MIPOL1: variants seen among roughly 807,000 people sequenced by gnomAD.
MIPOL1 encodes mirror-image polydactyly gene 1 protein.
In MIPOL1, 57 loss-of-function variants were observed where a neutral mutation model predicts 60.9. The observed-to-expected ratio is 0.94, with a 90% CI of 0.76 to 1.17. The LOEUF (loss-of-function observed/expected upper bound fraction) is 1.17. Among genes scored for constraint, MIPOL1 ranks in the 50% most tolerant of loss-of-function variants. The pLI, the probability that MIPOL1 is intolerant of heterozygous loss-of-function variation, is 0.00. For missense variants in MIPOL1, 551 were observed against 511.6 expected, an observed-to-expected ratio of 1.08 and a Z score of -0.74; for synonymous variants, 179 against 168.8, an observed-to-expected ratio of 1.06 and a Z score of -0.47.
chr14:37,268,847 C>G (rs2083076970), intron 5 of MIPOL1, 54 bp downstream of exon 5: 2 of 1,323,414 alleles, frequency 1.5e-6, no homozygotes, highest in African/African-American at 1.5e-5. Context: ...TGTTGATCTT[C>G]TAAATTTCCT....
chr14:37,334,809 C>T (rs1421349763), intron 9 of MIPOL1, among the ~76,000 whole-genome samples: 2 of 151,800 alleles, frequency 1.3e-5, no homozygotes, highest in African/African-American at 2.4e-5. Context: ...ATAATTTTTT[C>T]AACATTTATC....
At chr14:37,248,558 T>C (rs748230410) in intron 3 of MIPOL1, among the ~76,000 whole-genome samples, 1 of 151,682 alleles carries the variant, frequency 6.6e-6, no homozygotes, top group South Asian at 2.1e-4. Flanking sequence ...GAGACACATA[T>C]AGTGAAAGAG....
At chr14:37,344,433 T>C (rs1285695680) in intron 9 of MIPOL1, among the ~76,000 whole-genome samples, 1 of 151,862 alleles carries the variant, frequency 6.6e-6, no homozygotes, top group African/African-American at 2.4e-5. Flanking sequence ...GTATATATAC[T>C]TTTTTTTCCG....
intron 10 of MIPOL1, chr14:37,400,992 C>G (rs1171284775): frequency 6.6e-6 from 1 of 151,802 alleles, no homozygotes; most frequent in Non-Finnish European, 1.5e-5. Context: ...ATGTTAAAAG[C>G]AAAAATAAGA....
chr14:37,534,133 T>A (rs1247396436), intron 12 of MIPOL1, among the ~76,000 whole-genome samples: 1 of 151,058 alleles, frequency 6.6e-6, no homozygotes, highest in African/African-American at 2.4e-5. Flanking sequence ...TGATCTGAAA[T>A]TCTGGTTTTC....
intron 9 of MIPOL1, among the ~76,000 whole-genome samples, chr14:37,336,559 A>G (rs2090137251): frequency 6.6e-6 from 1 of 151,502 alleles, no homozygotes; most frequent in Non-Finnish European, 1.5e-5. Context: ...CCCTGGTTAT[A>G]TTGCCCATCT....
At chr14:37,412,719 T>C (rs1034286062) in intron 10 of MIPOL1, among the ~76,000 whole-genome samples, 2 of 152,134 alleles carry the variant, frequency 1.3e-5, no homozygotes, top group Non-Finnish European at 2.9e-5. Flanking sequence ...TATTTATTTA[T>C]CTAGTTTCCT....
chr14:37,402,197 A>G (rs780334741), intron 10 of MIPOL1, among the ~76,000 whole-genome samples: 24 of 152,290 alleles, frequency 1.6e-4, no homozygotes, highest in Non-Finnish European at 3.1e-4. Context: ...CTTTCAGAAC[A>G]GTTATTGAAG....
intron 10 of MIPOL1, among the ~76,000 whole-genome samples, chr14:37,403,568 G>A (rs1054400999): frequency 3.3e-5 from 5 of 150,990 alleles, no homozygotes; most frequent in African/African-American, 1.2e-4. Flanking sequence ...GAGCCAGTGT[G>A]CTTGGCCTCT....
chr14:37,265,486 C>T (rs766824084), intron 3 of MIPOL1, among the ~76,000 whole-genome samples: 4 of 151,994 alleles, frequency 2.6e-5, no homozygotes, highest in Admixed American at 2.6e-4. Context: ...TTTCAATGAA[C>T]GATCAGTAAA....
At chr14:37,348,459 T>C (rs1056581923) in intron 9 of MIPOL1, among the ~76,000 whole-genome samples, 24 of 152,116 alleles carry the variant, frequency 1.6e-4, no homozygotes, top group African/African-American at 5.8e-4. Flanking sequence ...ATTCACCATA[T>C]TAATGCAACA....
At chr14:37,281,514 C>G (rs1056820582) in intron 6 of MIPOL1, among the ~76,000 whole-genome samples, 3 of 152,152 alleles carry the variant, frequency 2.0e-5, no homozygotes, top group Non-Finnish European at 2.9e-5. Flanking sequence ...AAGTGATTTT[C>G]CTGCCTCAGC....
At chr14:37,433,153 C>A (rs2094104648) in intron 11 of MIPOL1, among the ~76,000 whole-genome samples, 1 of 152,088 alleles carries the variant, frequency 6.6e-6, no homozygotes, top group Non-Finnish European at 1.5e-5. Context: ...CTCAAACTCC[C>A]ATGCTGAAAT....
At chr14:37,274,789 A>G (rs1567238213) in intron 6 of MIPOL1, among the ~76,000 whole-genome samples, 1 of 151,254 alleles carries the variant, frequency 6.6e-6, no homozygotes, top group Non-Finnish European at 1.5e-5. Flanking sequence ...TAACCCATAG[A>G]AGGCACTCAA....
chr14:37,285,540 G>C lies in MIPOL1; in HGVS notation c.623+93G>C, dbSNP rs982038948. On this transcript the variant is annotated intron_variant, in intron 7 of 12. Coordinates refer to ENST00000684589, the MANE Select transcript of MIPOL1 (RefSeq NM_001388067.1). Reference sequence around the variant, plus strand: ...TTACATATTTAAAAATGTGACTTATGCTTATGTGTTACACTAGGAAATTGC... The same window carrying C: ...TTACATATTTAAAAATGTGACTTATCCTTATGTGTTACACTAGGAAATTGC... 4.7e-6 allele frequency: 6 copies of C among 1,288,460 alleles called. 1 individual carries two copies. In the East Asian group the frequency reaches 1.5e-4, roughly 31 times the overall value. 79.8% of individuals were successfully genotyped at this position (1,288,460 alleles called of 1,614,324 possible).
chr14:37,488,066 A>C (rs1477944171), intron 11 of MIPOL1, among the ~76,000 whole-genome samples: 1 of 152,060 alleles, frequency 6.6e-6, no homozygotes, highest in Non-Finnish European at 1.5e-5. Context: ...GAACATCTTT[A>C]TTTCTGCCTT....
chr14:37,267,285 C>T lies in MIPOL1; in HGVS notation c.251+116C>T, dbSNP rs1196067796. 155 of 690,296 alleles carry T rather than the reference C, an allele frequency of 2.2e-4. 1 individual carries two copies. In the East Asian group the frequency reaches 2.9e-3, roughly 13 times the overall value. 42.8% of individuals were successfully genotyped at this position (690,296 alleles called of 1,614,324 possible). On this transcript the variant is annotated intron_variant, in intron 4 of 12. Transcript: ENST00000684589. ...GGTGGATCACTTGAGGTCAGGAGTT[C>T]GAGACCAGCCTGGCCAACATGGTGA...
chr14:37,372,883 A>C (rs1233077403), intron 10 of MIPOL1, among the ~76,000 whole-genome samples: 1 of 140,124 alleles, frequency 7.1e-6, no homozygotes, highest in African/African-American at 2.7e-5. Context: ...TGATACTAGT[A>C]TATATTCTGA....
intron 9 of MIPOL1, among the ~76,000 whole-genome samples, chr14:37,344,223 A>G (rs1383372660): frequency 6.6e-6 from 1 of 152,110 alleles, no homozygotes; most frequent in Non-Finnish European, 1.5e-5. Context: ...ATAAATAAGA[A>G]TCACACATTG....
Sources: gnomAD v4.1 joint callset for allele counts (sites outside exome capture counted in the v4.1 genomes callset) on GRCh38, gnomAD v4.1.1 for gene constraint, MANE v1.5 for transcripts, NCBI Gene and HGNC (gene_info 2026-07-23, HGNC 2026-07-21) for gene names.